The following LRP1B variants were observed in gnomAD, a reference collection of about 807,000 sequenced individuals.
The protein encoded by LRP1B is low-density lipoprotein receptor-related protein 1B.
A neutral mutation model predicts 556.6 loss-of-function variants in LRP1B; 217 were observed. The ratio of observed to expected loss-of-function variants is 0.39; its 90% CI spans 0.35 to 0.44. The LOEUF (loss-of-function observed/expected upper bound fraction) is 0.44. Ranked by LOEUF, LRP1B falls within the 20% of genes least tolerant of loss-of-function variation. The probability of loss-of-function intolerance (pLI) is 1.00; values close to 1 mark genes in which losing one functional copy is unlikely to be tolerated. For missense variants in LRP1B, 5,053 were observed against 5,620.8 expected (o/e 0.90, Z 3.23); for synonymous variants, 2,047 against 1,865.8 (o/e 1.10, Z -2.50).
intron 2 of LRP1B, among the ~76,000 whole-genome samples, chr2:141,678,287 T>C (rs1348158897): frequency 6.6e-6 from 1 of 151,990 alleles, no homozygotes; most frequent in African/African-American, 2.4e-5. Flanking sequence ...TGAGGTGAAG[T>C]AGAGGTAGAA....
chr2:141,945,104 G>A (rs973119951), intron 1 of LRP1B, among the ~76,000 whole-genome samples: 1 of 152,236 alleles, frequency 6.6e-6, no homozygotes, highest in Non-Finnish European at 1.5e-5. Flanking sequence ...ATCAAAACAT[G>A]AGTCGTTTTT....
intron 5 of LRP1B, among the ~76,000 whole-genome samples, chr2:141,238,647 T>A (rs1683746852): frequency 6.6e-6 from 1 of 152,110 alleles, no homozygotes; most frequent in Admixed American, 6.6e-5. Flanking sequence ...TGTTTGGCAG[T>A]GATAAATTCT....
intron 3 of LRP1B, among the ~76,000 whole-genome samples, chr2:141,281,220 T>G (rs549016995): frequency 1.9e-3 from 285 of 152,172 alleles, no homozygotes; most frequent in Middle Eastern, 0.014. Context: ...ATTCAATCAC[T>G]GGATTGAAAT....
chr2:141,808,159 A>G (rs1323487761), intron 2 of LRP1B, among the ~76,000 whole-genome samples: 1 of 151,992 alleles, frequency 6.6e-6, no homozygotes, highest in African/African-American at 2.4e-5. Context: ...CCATGCCACC[A>G]TTTCTTCTCA....
intron 3 of LRP1B, among the ~76,000 whole-genome samples, chr2:141,445,873 G>T (rs1390619174): frequency 6.6e-6 from 1 of 152,190 alleles, no homozygotes; most frequent in Non-Finnish European, 1.5e-5. Context: ...GCAACGTGGT[G>T]CTGAGAAGAA....
chr2:141,776,710 C>T (rs150878732), intron 2 of LRP1B, among the ~76,000 whole-genome samples: 314 of 152,256 alleles, frequency 2.1e-3, no homozygotes, highest in Non-Finnish European at 3.8e-3. Context: ...TAAGCATCAT[C>T]TCTTTAAACA....
chr2:140,246,257 G>A (rs572190260), intron 87 of LRP1B, among the ~76,000 whole-genome samples: 1 of 151,294 alleles, frequency 6.6e-6, no homozygotes, highest in African/African-American at 2.4e-5. Context: ...GGGAAAAATT[G>A]CTAAGGTAAG....
At chr2:140,901,311 C>T (rs1375275732) in intron 23 of LRP1B, among the ~76,000 whole-genome samples, 1 of 152,198 alleles carries the variant, frequency 6.6e-6, no homozygotes, top group African/African-American at 2.4e-5. Flanking sequence ...GCCCCTGCCT[C>T]TTTGCAGACA....
chr2:141,907,838 T>G (rs1234941532), intron 1 of LRP1B, among the ~76,000 whole-genome samples: 1 of 152,000 alleles, frequency 6.6e-6, no homozygotes, highest in African/African-American at 2.4e-5. Context: ...GCTCCCTTTT[T>G]GCTTCTTGGA....
At chr2:142,099,200 T>C (rs1706486363) in intron 1 of LRP1B, among the ~76,000 whole-genome samples, 1 of 151,860 alleles carries the variant, frequency 6.6e-6, no homozygotes, top group African/African-American at 2.4e-5. Context: ...AATGCATGTG[T>C]AAAACCAAAT....
chr2:140,868,415 C>T (rs1693020590), intron 25 of LRP1B, 152 bp from the exon 26 acceptor site: 4 of 609,486 alleles, frequency 6.6e-6, no homozygotes, highest in Non-Finnish European at 1.0e-5. Context: ...GGCTTATGGT[C>T]CAGTGGAGGA....
chr2:141,420,436 A>G (rs1680094963), intron 3 of LRP1B, among the ~76,000 whole-genome samples: 1 of 152,166 alleles, frequency 6.6e-6, no homozygotes. Context: ...TTGGAGAAAT[A>G]ATACTTTTCT....
chr2:140,615,924 T>G (rs972406903), intron 41 of LRP1B, among the ~76,000 whole-genome samples: 2 of 152,076 alleles, frequency 1.3e-5, no homozygotes, highest in Non-Finnish European at 2.9e-5. Context: ...TCTCTACATA[T>G]TCTTAGTCAG....
chr2:140,732,805 C>T (rs1687822199), intron 35 of LRP1B, among the ~76,000 whole-genome samples: 1 of 151,932 alleles, frequency 6.6e-6, no homozygotes, highest in African/African-American at 2.4e-5. Context: ...TAGAATGCAT[C>T]CCAGAGAGAT....
chr2:141,283,268 C>A (rs1685575128), intron 3 of LRP1B, among the ~76,000 whole-genome samples: 1 of 151,950 alleles, frequency 6.6e-6, no homozygotes. Flanking sequence ...TAAGTTGAGG[C>A]CTACATGCTA....
At chr2:140,882,492 AG>A (rs1257888977) in intron 25 of LRP1B, among the ~76,000 whole-genome samples, 2 of 152,198 alleles carry the variant, frequency 1.3e-5, no homozygotes, top group Non-Finnish European at 2.9e-5. Context: ...TTACAAAAGA[AG>A]GCAGAAATCC....
chr2:140,723,786 G>A (rs16844601), intron 35 of LRP1B, among the ~76,000 whole-genome samples: 159 of 152,178 alleles, frequency 1.0e-3, no homozygotes, highest in East Asian at 4.1e-3. Context: ...AATAACTGTC[G>A]GATAGCAAAA....
chr2:141,512,201 C>A (rs143633844), intron 2 of LRP1B, among the ~76,000 whole-genome samples: 9 of 152,180 alleles, frequency 5.9e-5, no homozygotes, highest in Non-Finnish European at 1.0e-4. Flanking sequence ...GTTTATTAAG[C>A]CTTCGCCATG....
At chr2:141,751,798 T>G (rs1023297657) in intron 2 of LRP1B, among the ~76,000 whole-genome samples, 6 of 151,398 alleles carry the variant, frequency 4.0e-5, no homozygotes, top group Non-Finnish European at 5.9e-5. Flanking sequence ...CTAAGCATGG[T>G]ATTTTCATAG....
Sources: allele counts gnomAD v4.1 joint callset (sites outside exome capture counted in the v4.1 genomes callset), GRCh38; gene constraint gnomAD v4.1.1; transcripts MANE v1.5; gene names NCBI Gene and HGNC (gene_info 2026-07-23, HGNC 2026-07-21).